The following DDX23 variants were observed in gnomAD, a reference collection of about 807,000 sequenced individuals.
The protein encoded by DDX23 is probable ATP-dependent RNA helicase DDX23.
A neutral mutation model predicts 102.7 loss-of-function variants in DDX23; 33 were observed. The observed-to-expected ratio is 0.32, with a 90% CI of 0.24 to 0.43. The LOEUF (loss-of-function observed/expected upper bound fraction) is 0.43. Among genes scored for constraint, DDX23 ranks in the 20% least tolerant of loss-of-function variants. The pLI is 1.00. For missense variants in DDX23, 549 were observed against 1,086.6 expected, an observed-to-expected ratio of 0.51 and a Z score of 6.96; for synonymous variants, 352 against 376.0, an observed-to-expected ratio of 0.94 and a Z score of 0.74.
intron 11 of DDX23, among the ~76,000 whole-genome samples, chr12:48,835,574 G>A (rs779182523): frequency 5.9e-5 from 9 of 151,946 alleles, no homozygotes; most frequent in Non-Finnish European, 1.2e-4. Flanking sequence ...GCCGGGCATG[G>A]TGACGGGCAC....
chr12:48,849,328 G>A (rs187140027), intron 1 of DDX23, among the ~76,000 whole-genome samples: 4 of 152,070 alleles, frequency 2.6e-5, no homozygotes, highest in East Asian at 2.0e-4. Flanking sequence ...AAGACTTCCC[G>A]TCTATTTTGA....
chr12:48,845,858 CA>C, intron 1 of DDX23, 76 bp from the exon 2 acceptor site: 1 of 1,452,882 alleles, frequency 6.9e-7, no homozygotes, highest in Non-Finnish European at 9.4e-7. Flanking sequence ...CAATTACCCT[CA>C]AAACAACCCT....
chr12:48,831,920 T>C, intron 15 of DDX23, 158 bp downstream of exon 15: 1 of 666,650 alleles, frequency 1.5e-6, no homozygotes, highest in Non-Finnish European at 2.6e-6. Context: ...TCCATTCTCT[T>C]TATTCCCTCA....
In DDX23 at chr12:48,832,144, G is replaced by C. The variant is rs201555718; in HGVS notation, c.1998C>G (p.Pro666=). 6.2e-7 allele frequency: 1 copy of C among 1,613,882 alleles called. No homozygotes were observed. Among genetic ancestry groups the C allele is most frequent in the African/African-American group, 1.3e-5 (1 of 74,918 alleles). Residue 666 remains proline, a synonymous_variant, in exon 15 of 17, where the codon CCC becomes CCG. Transcript: ENST00000308025. The surrounding 1 kb of genome is among the most constrained non-coding windows in gnomAD (Gnocchi z 4.4). ...LAILEQGFDP[P]IIIFVNQKKG... is the part of the protein sequence containing the mutation. ...TCTTCTGGTTGACAAAAATAATGAT[G>C]GGTGGGTCAAAGCCTTGCTCCAAGA...
intron 5 of DDX23, 82 bp from the exon 6 acceptor site, chr12:48,838,162 C>A: frequency 1.3e-6 from 2 of 1,587,254 alleles, no homozygotes; most frequent in Non-Finnish European, 1.7e-6. Flanking sequence ...GGCAGGGAAC[C>A]CAAAAGTATT....
rs772783136 is a variant in DDX23, at chr12:48,837,016, C to T, written c.888G>A (p.Val296=). ...YNPLYKERHQ[V]QLLGRGFIAG... is the part of the protein sequence containing the mutation. ...CAATGAAGCCTCGCCCTAACAACTG[C>T]ACCTGGTGCCGTTCTTTGTACCTGG... is the stretch of plus-strand genomic sequence containing the variant. Residue 296 remains valine, a synonymous_variant, in exon 9 of 17, where the codon GTG becomes GTA. Transcript: ENST00000308025. The T allele has an allele frequency of 1.2e-6, 2 of 1,614,032 alleles. No individual in the cohort carries two copies. Among genetic ancestry groups the T allele is most frequent in the Non-Finnish European group, 8.5e-7 (1 of 1,180,042 alleles).
rs202123123 is a variant in DDX23, at chr12:48,838,093, T to G, written c.481-13A>C. 23 of 1,613,906 alleles carry G rather than the reference T, an allele frequency of 1.4e-5. No homozygotes were observed. The highest frequency in any genetic ancestry group is 1.9e-5 in the Non-Finnish European group (22 of 1,179,998). ...AGAGGAACTTGGGCTACAAAAGAGA[T>G]TGGAACTGTCAACAAAGGATCTGGG... On this transcript the variant is annotated splice_polypyrimidine_tract_variant and intron_variant, in intron 5 of 16. Coordinates refer to ENST00000308025, the MANE Select transcript of DDX23 (RefSeq NM_004818.3).
At chr12:48,851,053 C>A (rs1938748802) in intron 1 of DDX23, among the ~76,000 whole-genome samples, 1 of 152,192 alleles carries the variant, frequency 6.6e-6, no homozygotes, top group Admixed American at 6.5e-5. Context: ...TCTTGCAGGG[C>A]AGGGGCACAT....
intron 1 of DDX23, among the ~76,000 whole-genome samples, chr12:48,850,116 C>T (rs1387780180): frequency 6.6e-6 from 1 of 152,106 alleles, no homozygotes; most frequent in Non-Finnish European, 1.5e-5. Context: ...AGCAGAGAGA[C>T]AGAGTGAAAA....
At position 48,839,836 on chromosome 12, in the gene DDX23, G is replaced by A; in HGVS notation, c.480+8C>T. On this transcript the variant is annotated splice_region_variant and intron_variant, in intron 5 of 16. Coordinates refer to ENST00000308025, the MANE Select transcript of DDX23 (RefSeq NM_004818.3). ...TGAGCCGATGAATGAAGACCCTCAA[G>A]TACTTACCTTAGCCTCAGCTTCTTC... The A allele has an allele frequency of 6.2e-7, 1 of 1,614,078 alleles. No homozygotes were observed. The highest frequency in any genetic ancestry group is 8.5e-7 in the Non-Finnish European group (1 of 1,179,966).
intron 3 of DDX23, among the ~76,000 whole-genome samples, chr12:48,841,637 T>A (rs1345411614): frequency 2.6e-5 from 4 of 152,236 alleles, no homozygotes; most frequent in Admixed American, 6.5e-5. Context: ...GTTTTCGTAT[T>A]TTTTTGGTGG....
intron 2 of DDX23, 92 bp from the exon 3 acceptor site, chr12:48,844,142 A>C (rs148420794): frequency 7.1e-5 from 82 of 1,161,028 alleles, no homozygotes; most frequent in Non-Finnish European, 1.0e-4. Context: ...TCTCGTCCCA[A>C]AGTAATGTTT....
At chr12:48,838,976 A>C (rs987000245) in intron 5 of DDX23, among the ~76,000 whole-genome samples, 3 of 152,082 alleles carry the variant, frequency 2.0e-5, no homozygotes, top group African/African-American at 7.2e-5. Flanking sequence ...CCTGGGCTCA[A>C]GCAATATCCT....
intron 2 of DDX23, among the ~76,000 whole-genome samples, chr12:48,845,023 A>G (rs1394339477): frequency 6.6e-6 from 1 of 151,820 alleles, no homozygotes; most frequent in Non-Finnish European, 1.5e-5. Context: ...GTGGTGGCAC[A>G]TGCCTGTAAT....
chr12:48,841,106 C>T (rs1023639655), intron 3 of DDX23, among the ~76,000 whole-genome samples: 1 of 152,108 alleles, frequency 6.6e-6, no homozygotes, highest in African/African-American at 2.4e-5. Flanking sequence ...TGTATACAGG[C>T]CAGGCACAAT....
At chr12:48,849,960 G>A (rs1365594929) in intron 1 of DDX23, among the ~76,000 whole-genome samples, 3 of 152,254 alleles carry the variant, frequency 2.0e-5, no homozygotes, top group Non-Finnish European at 4.4e-5. Flanking sequence ...TTCAGGATGA[G>A]TTCAGTGAGC....
chr12:48,837,707 GGA>G (rs776070928), intron 6 of DDX23, 50 bp from the exon 7 acceptor site: 8 of 1,608,444 alleles, frequency 5.0e-6, no homozygotes, highest in Non-Finnish European at 6.8e-6. Context: ...GAAGAAAAGA[GGA>G]GAGGGAATGG....
At chr12:48,840,160 G>A (rs746379134) in intron 3 of DDX23, 54 bp from the exon 4 acceptor site, 2 of 1,408,256 alleles carry the variant, frequency 1.4e-6, no homozygotes, top group African/African-American at 2.8e-5. Flanking sequence ...GCCTGGATGA[G>A]GTTCAAGTTG....
chr12:48,844,763 C>T (rs1208592624), intron 2 of DDX23, among the ~76,000 whole-genome samples: 1 of 151,678 alleles, frequency 6.6e-6, no homozygotes, highest in Non-Finnish European at 1.5e-5. Flanking sequence ...GAACCAACCG[C>T]GCCCGGCCCC....
Sources: allele counts gnomAD v4.1 joint callset (sites outside exome capture counted in the v4.1 genomes callset), GRCh38; gene constraint gnomAD v4.1.1; non-coding constraint Gnocchi (gnomAD v3.1); transcripts MANE v1.5; gene names NCBI Gene and HGNC (gene_info 2026-07-23, HGNC 2026-07-21).